ADD3: variants seen among roughly 807,000 people sequenced by gnomAD.
ADD3 encodes gamma-adducin.
A neutral mutation model predicts 80.2 loss-of-function variants in ADD3; 25 were observed. The ratio of observed to expected loss-of-function variants is 0.31; its 90% CI spans 0.23 to 0.44. The LOEUF (loss-of-function observed/expected upper bound fraction) is 0.44, where lower values mean the gene tolerates loss of function less well. ADD3 is among the 20% of genes least tolerant of loss of function. ADD3 has a pLI of 1.00. For synonymous variants in ADD3, 284 were observed against 289.6 expected (o/e 0.98, Z 0.20); for missense variants, 829 against 847.5 (o/e 0.98, Z 0.27).
At chr10:110,063,222 C>T (rs1843421587) in intron 1 of ADD3, among the ~76,000 whole-genome samples, 1 of 152,128 alleles carries the variant, frequency 6.6e-6, no homozygotes, top group Admixed American at 6.5e-5. Flanking sequence ...ATTCAGACAA[C>T]AGAATGCATT....
intron 1 of ADD3, among the ~76,000 whole-genome samples, chr10:110,092,938 C>G (rs1018506472): frequency 2.0e-5 from 3 of 152,146 alleles, no homozygotes; most frequent in East Asian, 3.9e-4. Flanking sequence ...TGGCTTATTG[C>G]AACCTCCACC....
At chr10:110,024,257 A>C (rs1854021666) in intron 1 of ADD3, among the ~76,000 whole-genome samples, 1 of 152,244 alleles carries the variant, frequency 6.6e-6, no homozygotes, top group African/African-American at 2.4e-5. Flanking sequence ...GCATGTTGTC[A>C]TTACAGGAAG....
intron 1 of ADD3, among the ~76,000 whole-genome samples, chr10:110,075,441 C>T (rs148654262): frequency 1.3e-5 from 2 of 152,098 alleles, no homozygotes; most frequent in East Asian, 3.9e-4. Context: ...TGTGCACATT[C>T]CTGACATGTT....
At position 110,119,551 on chromosome 10, in the gene ADD3, C is replaced by T; in HGVS notation, c.947C>T (p.Ala316Val). Residue 316 changes from alanine to valine, a missense_variant, in exon 8 of 15, where the codon GCC (alanine) becomes GTC (valine). Ala to Val is a moderately conservative substitution (Grantham distance 64, BLOSUM62 0). Transcript: ENST00000356080. The stretch of plus-strand genomic sequence containing the variant: ...CATTATATTTTTAATGTGCAACTAG[C>T]CTGTGAGATTCAGGTAGGAAACATT... ...AFHYIFNVQLACEIQVQALAG... is the reference protein window; with the variant it reads ...AFHYIFNVQLVCEIQVQALAG... 6.2e-7 allele frequency: 1 copy of T among 1,612,858 alleles called. No individual in the cohort carries two copies. The highest frequency in any genetic ancestry group is 1.7e-5 in the Admixed American group (1 of 59,958).
chr10:110,092,905 G>A (rs2007010), intron 1 of ADD3, among the ~76,000 whole-genome samples: 27,013 of 152,046 alleles, frequency 0.18, 3,259 homozygotes, highest in Admixed American at 0.39. Context: ...TGTCACCCAT[G>A]CTGGAGTGCA....
In ADD3 at chr10:110,091,445, A is replaced by G. The variant is rs193140310; in HGVS notation, c.-29-9180A>G. On this transcript the variant is annotated intron_variant, in intron 1 of 14. Transcript: ENST00000356080. ...GGTTCAAAAACAGACACATAGACCA[A>G]TGGAACAGGTTAGAGAACCCAGAAA... Among the ~76,000 whole-genome samples the G allele has an allele frequency of 5.5e-4, 84 of 152,326 alleles. 1 individual carries two copies. The Middle Eastern group carries it at 0.01, about 19-fold the overall frequency.
At chr10:110,101,651 A>AG (rs1848823920) in intron 2 of ADD3, among the ~76,000 whole-genome samples, 1 of 152,054 alleles carries the variant, frequency 6.6e-6, no homozygotes, top group African/African-American at 2.4e-5. Flanking sequence ...AAAAAAAAAA[A>AG]AAATTCAACT....
At chr10:110,095,998 T>C (rs1025026333) in intron 1 of ADD3, among the ~76,000 whole-genome samples, 3 of 152,202 alleles carry the variant, frequency 2.0e-5, no homozygotes, top group African/African-American at 7.2e-5. Flanking sequence ...TGCGGAGTAC[T>C]TCTGGTGATG....
intron 1 of ADD3, among the ~76,000 whole-genome samples, chr10:110,057,188 C>T (rs1203026265): frequency 1.3e-5 from 2 of 152,202 alleles, no homozygotes; most frequent in Non-Finnish European, 2.9e-5. Context: ...CGACTCTGCA[C>T]TTCTCTAATT....
At chr10:110,094,254 A>G (rs1847893940) in intron 1 of ADD3, among the ~76,000 whole-genome samples, 1 of 152,130 alleles carries the variant, frequency 6.6e-6, no homozygotes, top group South Asian at 2.1e-4. Flanking sequence ...TTGAAGGAGT[A>G]AATTTTGATT....
intron 1 of ADD3, among the ~76,000 whole-genome samples, chr10:110,043,307 C>T (rs1856574886): frequency 6.6e-6 from 1 of 152,120 alleles, no homozygotes; most frequent in Admixed American, 6.5e-5. Context: ...TGACCTCCTC[C>T]CAGGTTTCTT....
At chr10:110,121,431 C>T (rs535052265) in intron 8 of ADD3, among the ~76,000 whole-genome samples, 3 of 152,156 alleles carry the variant, frequency 2.0e-5, no homozygotes, top group South Asian at 2.1e-4. Context: ...TGCAGTGAGC[C>T]GATATCGTGC....
intron 1 of ADD3, among the ~76,000 whole-genome samples, chr10:110,086,131 G>A (rs1462245666): frequency 6.6e-6 from 1 of 150,702 alleles, no homozygotes; most frequent in Non-Finnish European, 1.5e-5. Flanking sequence ...AAAGAAAAAG[G>A]CTGGGCGCAG....
chr10:110,035,292 T>C (rs1855509270), intron 1 of ADD3, among the ~76,000 whole-genome samples: 1 of 152,216 alleles, frequency 6.6e-6, no homozygotes, highest in Non-Finnish European at 1.5e-5. Flanking sequence ...TATACCTTCA[T>C]TGATATTCCC....
chr10:110,017,637 T>A (rs1218217185), intron 1 of ADD3, among the ~76,000 whole-genome samples: 1 of 152,198 alleles, frequency 6.6e-6, no homozygotes, highest in Non-Finnish European at 1.5e-5. Context: ...TATGTGGTAG[T>A]ACTTTTCAAT....
rs534625324 is a variant in ADD3, at chr10:110,028,606, T to G, written c.-30+20307T>G. ...TAAATAGCCCATTTACAAAATTGAC[T>G]GGGACTTAGTGTTTGACCTGAGCAA... On this transcript the variant is annotated intron_variant, in intron 1 of 14. Coordinates refer to ENST00000356080, the MANE Select transcript of ADD3 (RefSeq NM_016824.5). Among the ~76,000 whole-genome samples the G allele has an allele frequency of 3.9e-5, 6 of 152,242 alleles. No individual in the cohort carries two copies. The East Asian group carries it at 1.2e-3, about 29-fold the overall frequency.
chr10:110,130,850 C>T (rs1354257978), intron 13 of ADD3, among the ~76,000 whole-genome samples: 2 of 145,878 alleles, frequency 1.4e-5, no homozygotes, highest in African/African-American at 5.2e-5. Flanking sequence ...AGAGAGACTC[C>T]GTCTCAAAAA....
chr10:110,064,683 A>G (rs984122963), intron 1 of ADD3, among the ~76,000 whole-genome samples: 1 of 152,224 alleles, frequency 6.6e-6, no homozygotes, highest in African/African-American at 2.4e-5. Flanking sequence ...CTTAAAATCC[A>G]AAGTTAATAG....
Position 110,041,205 on chromosome 10 carries a change from C to T in ADD3, c.-30+32906C>T, listed in dbSNP as rs540760063. On this transcript the variant is annotated intron_variant, in intron 1 of 14. Coordinates refer to ENST00000356080, the MANE Select transcript of ADD3 (RefSeq NM_016824.5). ...TGAACATAGAGATCTGGAGCACAAG[C>T]TAGAAGTTTGACAGGACTGTAAATA... Among the ~76,000 whole-genome samples the T allele has an allele frequency of 1.4e-4, 22 of 152,238 alleles. 1 individual carries two copies. In the South Asian group the frequency reaches 4.3e-3, roughly 30 times the overall value.
Sources: gnomAD v4.1 joint callset for allele counts (sites outside exome capture counted in the v4.1 genomes callset) on GRCh38, gnomAD v4.1.1 for gene constraint, MANE v1.5 for transcripts, NCBI Gene and HGNC (gene_info 2026-07-23, HGNC 2026-07-21) for gene names.